Variants in GFPT2 observed in about 807,000 individuals in gnomAD.
The protein encoded by GFPT2 is glutamine--fructose-6-phosphate transaminase 2.
In GFPT2, 62 loss-of-function variants were observed where a neutral mutation model predicts 85.6. The observed-to-expected ratio is 0.72, with a 90% CI of 0.59 to 0.90. The LOEUF (loss-of-function observed/expected upper bound fraction) is 0.90. GFPT2 is among the 40% of genes least tolerant of loss of function. GFPT2 has a pLI of 0.00. For synonymous variants in GFPT2, 368 were observed against 344.5 expected, an observed-to-expected ratio of 1.07 and a Z score of -0.75; for missense variants, 788 against 893.4, an observed-to-expected ratio of 0.88 and a Z score of 1.50.
intron 13 of GFPT2, 99 bp from the exon 14 acceptor site, chr5:180,314,063 G>GC (rs1763955944): frequency 1.6e-6 from 2 of 1,213,162 alleles, no homozygotes; most frequent in African/African-American, 1.6e-5. Flanking sequence ...GGAAATCGGC[G>GC]CCCGAGACAC....
At chr5:180,338,827 C>T (rs2127656118) in intron 1 of GFPT2, among the ~76,000 whole-genome samples, 1 of 152,358 alleles carries the variant, frequency 6.6e-6, no homozygotes, top group South Asian at 2.1e-4. Context: ...GGCAGTTCCA[C>T]TGCTGAGAAC....
chr5:180,304,053 A>G (rs559593025), intron 17 of GFPT2, among the ~76,000 whole-genome samples: 1 of 152,096 alleles, frequency 6.6e-6, no homozygotes, highest in African/African-American at 2.4e-5. Flanking sequence ...CTGCCTACTT[A>G]ATAAAACCAC....
intron 1 of GFPT2, among the ~76,000 whole-genome samples, chr5:180,349,217 G>A (rs1216345193): frequency 6.6e-6 from 1 of 152,068 alleles, no homozygotes; most frequent in Non-Finnish European, 1.5e-5. Flanking sequence ...CGAGGTGGGA[G>A]GATGGCTTGA....
At chr5:180,322,356 A>G (rs999877057) in intron 9 of GFPT2, among the ~76,000 whole-genome samples, 10 of 151,926 alleles carry the variant, frequency 6.6e-5, no homozygotes, top group African/African-American at 2.4e-4. Context: ...ATCTCTTCCT[A>G]TATTCAAATC....
intron 7 of GFPT2, 64 bp from the exon 8 acceptor site, chr5:180,324,959 C>T (rs957297629): frequency 2.0e-6 from 2 of 1,009,182 alleles, no homozygotes; most frequent in East Asian, 2.4e-5. Flanking sequence ...GGTGTCTGCC[C>T]AGCATCTGAG....
chr5:180,343,541 T>C lies in GFPT2; in HGVS notation c.8-4941A>G, dbSNP rs560784376. ...TTTCACCACGAGCCCTCTTGCGTAG[T>C]GACATCCCTTCGGTCACTTCTTTCA... is the stretch of plus-strand genomic sequence containing the variant. On this transcript the variant is annotated intron_variant, in intron 1 of 18. Transcript: ENST00000253778. Among the ~76,000 whole-genome samples the C allele has an allele frequency of 1.9e-4, 29 of 152,388 alleles. 1 individual carries two copies. The highest frequency in any genetic ancestry group is 5.8e-4 in the East Asian group (3 of 5,194).
rs1160820663 is a variant in GFPT2, at chr5:180,323,195, G to C, written c.794+993C>G. Among the ~76,000 whole-genome samples, 1 of 152,130 alleles carries C rather than the reference G, an allele frequency of 6.6e-6. No individual in the cohort carries two copies. Among genetic ancestry groups the C allele is most frequent in the Non-Finnish European group, 1.5e-5 (1 of 68,032 alleles). The stretch of plus-strand genomic sequence containing the variant: ...AAAATCTACAATTCTCCGTGTTTTA[G>C]AATCACTGAAATAATACCAGCGTCT... On this transcript the variant is annotated intron_variant, in intron 9 of 18. Coordinates refer to ENST00000253778, the MANE Select transcript of GFPT2 (RefSeq NM_005110.4). This position sits in a 1 kb window ranked among gnomAD's most constrained non-coding sequence, Gnocchi z 4.0.
rs1258319905 is a variant in GFPT2, at chr5:180,302,543, A to G, written c.1884T>C (p.Ser628=). The G allele has an allele frequency of 1.2e-6, 2 of 1,614,050 alleles. No individual in the cohort carries two copies. Among genetic ancestry groups the G allele is most frequent in the South Asian group, 1.1e-5 (1 of 91,074 alleles). The change falls in exon 18 of 19, where the codon AGT becomes AGC. Residue 628 remains serine (S), a synonymous_variant. Coordinates refer to ENST00000253778, the MANE Select transcript of GFPT2 (RefSeq NM_005110.4). ...CAATTGTCTTATACGCAAACTTGGAACTTTCAGTATCGTCCTTGGAGCACA... is the reference window on the plus strand; with the variant it reads ...CAATTGTCTTATACGCAAACTTGGAGCTTTCAGTATCGTCCTTGGAGCACA... The part of the protein sequence containing the change: ...IILCSKDDTE[S]SKFAYKTIEL...
chr5:180,339,273 G>A (rs1336741712), intron 1 of GFPT2, among the ~76,000 whole-genome samples: 3 of 151,712 alleles, frequency 2.0e-5, no homozygotes, highest in Non-Finnish European at 2.9e-5. Context: ...CCAGCTACTC[G>A]GGAGGCTGGG....
At chr5:180,345,822 A>G (rs1764596702) in intron 1 of GFPT2, among the ~76,000 whole-genome samples, 1 of 152,188 alleles carries the variant, frequency 6.6e-6, no homozygotes, top group African/African-American at 2.4e-5. Flanking sequence ...GCCAAGCATA[A>G]GCAGCTCCGC....
At chr5:180,305,228 C>T (rs1320130796) in intron 16 of GFPT2, among the ~76,000 whole-genome samples, 2 of 152,176 alleles carry the variant, frequency 1.3e-5, no homozygotes, top group African/African-American at 4.8e-5. Context: ...CACGCACAGC[C>T]ACCCCTTAGG....
chr5:180,353,316 TGGGCTC>T lies in GFPT2; in HGVS notation c.-105_-100del, dbSNP rs1561887372. On this transcript the variant is annotated 5_prime_UTR_variant, in exon 1 of 19. Coordinates refer to ENST00000253778, the MANE Select transcript of GFPT2 (RefSeq NM_005110.4). ...TCCTCCGTGGGCTCCGTGGGCTCCG[TGGGCTC>T]CGCGGGCTCCAGCTCCCGTCCGCTC... 22 of 871,328 alleles carry T rather than the reference TGGGCTC, an allele frequency of 2.5e-5. No homozygotes were observed. Among genetic ancestry groups the T allele is most frequent in the Non-Finnish European group, 3.0e-5 (21 of 693,902 alleles). The allele number at this position is 871,328 out of a possible 1,614,324, so 54.0% of individuals were successfully genotyped here.
At position 180,312,196 on chromosome 5, in the gene GFPT2, G is replaced by GGGAAGGCA. The variant is rs1763906788; in HGVS notation, c.1546+233_1546+234insTGCCTTCC. On this transcript the variant is annotated intron_variant, in intron 15 of 18. Coordinates refer to ENST00000253778, the MANE Select transcript of GFPT2 (RefSeq NM_005110.4). ...CAGGGAGGCTGAGGACCAGGGAGGC[G>GGGAAGGCA]GGGAGGCAGGGAGGCAGGGAGGCAG... 4.3e-5 allele frequency among the ~76,000 whole-genome samples: 2 copies of GGGAAGGCA among 46,734 alleles called. 1 individual carries two copies. The highest frequency in any genetic ancestry group is 7.9e-5 in the Non-Finnish European group (2 of 25,366). 30.7% of individuals were successfully genotyped at this position (46,734 alleles called of 152,430 possible).
Position 180,340,766 on chromosome 5 carries a change from C to T in GFPT2, c.8-2166G>A, listed in dbSNP as rs527995280. Among the ~76,000 whole-genome samples the T allele has an allele frequency of 6.2e-5, 9 of 145,956 alleles. No individual in the cohort carries two copies. In the East Asian group the frequency reaches 1.9e-3, roughly 31 times the overall value. Reference sequence around the variant, plus strand: ...CCTGACCTCATGATCTGCCCACCTCCGCCTCCCAAAGTGCTGGGATTACAG... The same window carrying T: ...CCTGACCTCATGATCTGCCCACCTCTGCCTCCCAAAGTGCTGGGATTACAG... On this transcript the variant is annotated intron_variant, in intron 1 of 18. Coordinates refer to ENST00000253778, the MANE Select transcript of GFPT2 (RefSeq NM_005110.4).
At chr5:180,305,012 G>A (rs1763748127) in intron 16 of GFPT2, 73 bp from the exon 17 acceptor site, 3 of 1,007,342 alleles carry the variant, frequency 3.0e-6, no homozygotes, top group African/African-American at 1.6e-5. Flanking sequence ...AGGGGAAGAA[G>A]GGGAACCAGG....
At chr5:180,302,202 G>A (rs547840642) in intron 18 of GFPT2, among the ~76,000 whole-genome samples, 2 of 151,084 alleles carry the variant, frequency 1.3e-5, no homozygotes, top group African/African-American at 4.9e-5. Flanking sequence ...CAGGAGAATC[G>A]CTTGAACCCA....
rs1461204664 is a variant in GFPT2, at chr5:180,302,699, T to C, written c.1843-115A>G. ...TGATGAGAACAGTCCTCTTTTGCAT[T>C]TGCTGGAGTCATGGGTGAGGTGGTA... On this transcript the variant is annotated intron_variant, in intron 17 of 18. Coordinates refer to ENST00000253778, the MANE Select transcript of GFPT2 (RefSeq NM_005110.4). 13 of 760,770 alleles carry C rather than the reference T, an allele frequency of 1.7e-5. No individual in the cohort carries two copies. The East Asian group carries it at 3.3e-4, about 20-fold the overall frequency. 47.1% of individuals were successfully genotyped at this position (760,770 alleles called of 1,614,324 possible).
rs35765078 is a variant in GFPT2, at chr5:180,318,854, G to A, written c.897C>T (p.Ala299=). 2.6e-3 allele frequency: 4,139 copies of A among 1,613,988 alleles called. 109 individuals are homozygous for A. In the African/African-American group the frequency reaches 0.05, roughly 19 times the overall value. ...KLSIHRVKRS[A]SDDPSRAIQT... is the part of the protein sequence containing the mutation. ...GGATGGCTCGAGATGGGTCATCACT[G>A]GCCGAGCGCTTGACCCGGTGAATGG... The change falls in exon 10 of 19, where the codon GCC becomes GCT. Residue 299 remains alanine (A), a synonymous_variant. Coordinates refer to ENST00000253778, the MANE Select transcript of GFPT2 (RefSeq NM_005110.4). The surrounding 1 kb of genome is among the most constrained non-coding windows in gnomAD (Gnocchi z 4.2).
At chr5:180,341,929 T>G (rs907151797) in intron 1 of GFPT2, among the ~76,000 whole-genome samples, 1 of 152,206 alleles carries the variant, frequency 6.6e-6, no homozygotes, top group African/African-American at 2.4e-5. Flanking sequence ...TTGATATGGT[T>G]TCGCTGTGTC....
Sources: gnomAD v4.1 joint callset for allele counts (sites outside exome capture counted in the v4.1 genomes callset) on GRCh38, gnomAD v4.1.1 for gene constraint, Gnocchi (gnomAD v3.1) non-coding constraint, MANE v1.5 for transcripts, NCBI Gene and HGNC (gene_info 2026-07-23, HGNC 2026-07-21) for gene names.